SLC25A20: variants seen among roughly 807,000 people sequenced by gnomAD.
The protein encoded by SLC25A20 is solute carrier family 25 member 20, also known as mitochondrial carnitine/acylcarnitine carrier protein.
In SLC25A20, 29 loss-of-function variants were observed where a neutral mutation model predicts 39.7. The observed-to-expected ratio is 0.73, with a 90% CI of 0.54 to 1.00. The LOEUF (loss-of-function observed/expected upper bound fraction) is 1.00. SLC25A20 is among the 50% of genes least tolerant of loss of function. The pLI is 0.00. For synonymous variants in SLC25A20, 103 were observed against 142.2 expected, an observed-to-expected ratio of 0.72 and a Z score of 1.96; for missense variants, 333 against 379.9, an observed-to-expected ratio of 0.88 and a Z score of 1.03.
chr3:48,895,677 C>G (rs966529280), intron 1 of SLC25A20: 1 of 396,952 alleles, frequency 2.5e-6, no homozygotes, highest in African/African-American at 2.1e-5. Context: ...CAAGGAAGTC[C>G]CTCTCTGGGC....
chr3:48,859,680 A>T (rs2083608790), intron 5 of SLC25A20, 53 bp from the exon 6 acceptor site: 1 of 1,382,778 alleles, frequency 7.2e-7, no homozygotes, highest in African/African-American at 1.4e-5. Context: ...TTCGCCAGGC[A>T]TGGTGGTACA....
intron 3 of SLC25A20, 151 bp from the exon 4 acceptor site, chr3:48,879,599 A>G: frequency 1.4e-6 from 1 of 694,984 alleles, no homozygotes; most frequent in Non-Finnish European, 2.6e-6. Flanking sequence ...ATTTCGCACA[A>G]AAACTCAGTT....
At chr3:48,878,238 C>T (rs940590926) in intron 4 of SLC25A20, among the ~76,000 whole-genome samples, 6 of 134,092 alleles carry the variant, frequency 4.5e-5, no homozygotes, top group South Asian at 2.3e-4. Flanking sequence ...TCCAGCCTGG[C>T]GACAGAGCGA....
At chr3:48,891,310 G>A (rs184301540) in intron 2 of SLC25A20, among the ~76,000 whole-genome samples, 25 of 151,728 alleles carry the variant, frequency 1.6e-4, no homozygotes, top group South Asian at 8.3e-4. Flanking sequence ...CCTGAACTCC[G>A]GCAATCCACC....
rs907469685 is a variant in SLC25A20, at chr3:48,888,556, A to G, written c.198+3424T>C. On this transcript the variant is annotated intron_variant, in intron 2 of 8. Coordinates refer to ENST00000319017, the MANE Select transcript of SLC25A20 (RefSeq NM_000387.6). ...TGCACTCCAGCCTGGGCAACTGAAC[A>G]AGACTCTTGTCTCAAAATAAATAAA... Among the ~76,000 whole-genome samples, 66 of 150,070 alleles carry G rather than the reference A, an allele frequency of 4.4e-4. 1 individual carries two copies. The highest frequency in any genetic ancestry group is 6.8e-3 in the Middle Eastern group (2 of 294).
At chr3:48,871,626 G>A (rs1217435391) in intron 4 of SLC25A20, among the ~76,000 whole-genome samples, 1 of 151,976 alleles carries the variant, frequency 6.6e-6, no homozygotes, top group African/African-American at 2.4e-5. Context: ...AATTAGCCGG[G>A]CATGGTGGCG....
chr3:48,878,999 T>C (rs955411096), intron 4 of SLC25A20, among the ~76,000 whole-genome samples: 3 of 151,976 alleles, frequency 2.0e-5, no homozygotes, highest in Admixed American at 6.6e-5. Context: ...GCCTCCCAAG[T>C]AGCTGGGATT....
rs759378078 is a variant in SLC25A20 at position 48,898,755 on chromosome 3, G to C, written c.40C>G (p.Leu14Val). 6 of 1,606,046 alleles carry C rather than the reference G, an allele frequency of 3.7e-6. No homozygotes were observed. Among genetic ancestry groups the C allele is most frequent in the Admixed American group, 1.7e-5 (1 of 58,872 alleles). The change falls in exon 1 of 9, where the codon CTG becomes GTG. Residue 14 changes from leucine to valine, a missense_variant. Physicochemically the swap from Leu to Val is conservative, Grantham distance 32. Transcript: ENST00000319017. ...ACGCCGCCAAAGCCGCCGGCCAGCA[G>C]GTTCTTGAGCGGGCTGATGGGTTTT... ...QPKPISPLKN[L>V]LAGGFGGVCL...
At chr3:48,878,298 A>ATG (rs1214825949) in intron 4 of SLC25A20, among the ~76,000 whole-genome samples, 4 of 143,732 alleles carry the variant, frequency 2.8e-5, no homozygotes, top group Non-Finnish European at 6.0e-5. Flanking sequence ...ATATATATAT[A>ATG]TGTATATATA....
intron 4 of SLC25A20, 115 bp from the exon 5 acceptor site, chr3:48,862,774 A>ACT: frequency 1.3e-6 from 1 of 747,096 alleles, no homozygotes; most frequent in South Asian, 1.4e-5. Context: ...AAAAGACTTC[A>ACT]CTGTCAAATT....
At chr3:48,895,836 A>T (rs1385537330) in intron 1 of SLC25A20, 1 of 456,432 alleles carries the variant, frequency 2.2e-6, no homozygotes, top group African/African-American at 2.0e-5. Context: ...GAGAGAGAGA[A>T]ATGGATCAAA....
chr3:48,883,787 A>C (rs1368384470), intron 3 of SLC25A20, among the ~76,000 whole-genome samples: 3 of 151,718 alleles, frequency 2.0e-5, no homozygotes, highest in Non-Finnish European at 4.4e-5. Context: ...ACACCCAGCT[A>C]ATTTTTTTGT....
chr3:48,874,978 CT>C (rs2083744074), intron 4 of SLC25A20, among the ~76,000 whole-genome samples: 2 of 146,294 alleles, frequency 1.4e-5, no homozygotes, highest in Admixed American at 1.4e-4. Flanking sequence ...AGGAGGATCT[CT>C]TGAAACCAGG....
At position 48,859,645 on chromosome 3, in the gene SLC25A20, A is replaced by G. The variant is rs6414612; in HGVS notation, c.536-18T>C. 0.99 allele frequency: 1,588,325 copies of G among 1,601,094 alleles called. 787,867 individuals are homozygous for G. The highest frequency in any genetic ancestry group is 1 in the East Asian group (44,791 of 44,836). ...TGGGACATCTGTTAGTGGCAAGAAA[A>G]AGGTGAATTAAAGTACATAAACTCT... On this transcript the variant is annotated intron_variant, in intron 5 of 8. Coordinates refer to ENST00000319017, the MANE Select transcript of SLC25A20 (RefSeq NM_000387.6).
intron 4 of SLC25A20, among the ~76,000 whole-genome samples, chr3:48,869,222 C>G (rs1448574312): frequency 1.3e-5 from 2 of 152,126 alleles, no homozygotes; most frequent in African/African-American, 4.8e-5. Flanking sequence ...CAAGGAAGAC[C>G]TCAAACTGAA....
chr3:48,858,393 T>G lies in SLC25A20; in HGVS notation c.843+114A>C, dbSNP rs2083596882. 4.7e-6 allele frequency: 7 copies of G among 1,477,424 alleles called. No individual in the cohort carries two copies. In the South Asian group the frequency reaches 8.0e-5, roughly 17 times the overall value. 91.5% of individuals were successfully genotyped at this position (1,477,424 alleles called of 1,614,324 possible). ...AAATAAGGAATGCTCTGGCTGAAGA[T>G]AGGGCTTTGGGAAAACTGAGACCCC... is the stretch of plus-strand genomic sequence containing the variant. On this transcript the variant is annotated intron_variant, in intron 8 of 8. Coordinates refer to ENST00000319017, the MANE Select transcript of SLC25A20 (RefSeq NM_000387.6).
chr3:48,883,144 G>A (rs943641920), intron 3 of SLC25A20, among the ~76,000 whole-genome samples: 3 of 151,996 alleles, frequency 2.0e-5, no homozygotes, highest in Admixed American at 6.6e-5. Flanking sequence ...ACAGTGAGCC[G>A]AGATTGCGCC....
At chr3:48,891,318 A>G (rs190813667) in intron 2 of SLC25A20, among the ~76,000 whole-genome samples, 10 of 152,036 alleles carry the variant, frequency 6.6e-5, no homozygotes, top group Admixed American at 6.6e-4. Flanking sequence ...CCGGCAATCC[A>G]CCCACCTTGG....
At chr3:48,893,709 T>G (rs1282119699) in intron 1 of SLC25A20, among the ~76,000 whole-genome samples, 1 of 151,878 alleles carries the variant, frequency 6.6e-6, no homozygotes, top group Non-Finnish European at 1.5e-5. Flanking sequence ...TTTGGTTTTT[T>G]TGTAGAGATG....
Sources: gnomAD v4.1 joint callset for allele counts (sites outside exome capture counted in the v4.1 genomes callset) on GRCh38, gnomAD v4.1.1 for gene constraint, MANE v1.5 for transcripts, NCBI Gene and HGNC (gene_info 2026-07-23, HGNC 2026-07-21) for gene names.